FAM184B: variants seen among roughly 807,000 people sequenced by gnomAD.
FAM184B encodes the protein family with sequence similarity 184 member B, also known as protein FAM184B.
A neutral mutation model predicts 135.9 loss-of-function variants in FAM184B; 111 were observed. The ratio of observed to expected loss-of-function variants is 0.82; its 90% CI spans 0.70 to 0.96. FAM184B has a LOEUF of 0.96. Ranked by LOEUF, FAM184B falls within the 40% of genes least tolerant of loss-of-function variation. The pLI, the probability that FAM184B is intolerant of heterozygous loss-of-function variation, is 0.00. For missense variants in FAM184B, 1,375 were observed against 1,323.9 expected (o/e 1.04, Z -0.60); for synonymous variants, 552 against 524.8 (o/e 1.05, Z -0.71).
intron 7 of FAM184B, among the ~76,000 whole-genome samples, chr4:17,680,316 C>A (rs1034010946): frequency 2.0e-5 from 3 of 151,972 alleles, no homozygotes; most frequent in African/African-American, 7.3e-5. Flanking sequence ...TGTTTTTGAG[C>A]CTGTCTTGTA....
chr4:17,705,921 A>G (rs1420701405), intron 3 of FAM184B, 30 bp from the exon 4 acceptor site: 1 of 1,551,660 alleles, frequency 6.4e-7, no homozygotes, highest in Admixed American at 2.0e-5. Context: ...CATTATTTGG[A>G]ATGCTCTTGG....
chr4:17,655,144 T>C (rs1715752612), intron 10 of FAM184B, among the ~76,000 whole-genome samples: 1 of 152,200 alleles, frequency 6.6e-6, no homozygotes, highest in South Asian at 2.1e-4. Context: ...CCATGCCTGA[T>C]TGCGAGTTTA....
chr4:17,757,024 C>T (rs1263056603), intron 1 of FAM184B, among the ~76,000 whole-genome samples: 1 of 152,138 alleles, frequency 6.6e-6, no homozygotes, highest in East Asian at 1.9e-4. Flanking sequence ...GATAACATCA[C>T]AAAAAGAGAA....
chr4:17,651,898 T>G (rs1463950725), intron 11 of FAM184B, among the ~76,000 whole-genome samples: 2 of 151,912 alleles, frequency 1.3e-5, no homozygotes, highest in Non-Finnish European at 2.9e-5. Context: ...GGGGGAGAGT[T>G]TTGTGCTGGG....
intron 3 of FAM184B, among the ~76,000 whole-genome samples, chr4:17,706,724 T>G (rs1717127474): frequency 6.6e-6 from 1 of 152,160 alleles, no homozygotes. Context: ...ATCCCAGCAC[T>G]TTGGGAGGCC....
intron 12 of FAM184B, among the ~76,000 whole-genome samples, chr4:17,644,893 A>G (rs1490975811): frequency 1.3e-5 from 2 of 152,224 alleles, no homozygotes; most frequent in African/African-American, 4.8e-5. Context: ...AAGTCTCAGG[A>G]TACAAAATCA....
chr4:17,632,043 ATTTTTTTTTTTT>A lies in FAM184B; in HGVS notation c.*477_*488del, dbSNP rs199549580. 3.4e-3 allele frequency: 403 copies of A among 117,232 alleles called. No individual in the cohort carries two copies. The highest frequency in any genetic ancestry group is 0.013 in the African/African-American group (373 of 29,004). The allele number at this position is 117,232 out of a possible 1,614,324, so 7.3% of individuals were successfully genotyped here. On this transcript the variant is annotated 3_prime_UTR_variant, in exon 18 of 18. Transcript: ENST00000265018. Reference sequence around the variant, plus strand: ...TTTTAATAACACTGGTTTAATGTCAATTTTTTTTTTTTTTTTTTTTTTTTTTTTTTTTTTTTT... The same window carrying A: ...TTTTAATAACACTGGTTTAATGTCAATTTTTTTTTTTTTTTTTTTTTTTTT...
chr4:17,750,113 A>G (rs1281289806), intron 1 of FAM184B, among the ~76,000 whole-genome samples: 1 of 152,218 alleles, frequency 6.6e-6, no homozygotes, highest in Admixed American at 6.5e-5. Flanking sequence ...GATTCTCAGA[A>G]GTGAAATTTG....
At chr4:17,722,928 C>T (rs1328507956) in intron 1 of FAM184B, among the ~76,000 whole-genome samples, 8 of 152,102 alleles carry the variant, frequency 5.3e-5, no homozygotes, top group East Asian at 1.9e-4. Flanking sequence ...TTAATCCAAG[C>T]GGGAGCATCA....
At chr4:17,663,738 A>G (rs1715974502) in intron 8 of FAM184B, among the ~76,000 whole-genome samples, 1 of 150,828 alleles carries the variant, frequency 6.6e-6, no homozygotes, top group Non-Finnish European at 1.5e-5. Context: ...TTTTGCCCCC[A>G]CCCAAATCTC....
At chr4:17,678,357 A>T (rs1716362076) in intron 7 of FAM184B, among the ~76,000 whole-genome samples, 1 of 152,234 alleles carries the variant, frequency 6.6e-6, no homozygotes, top group South Asian at 2.1e-4. Flanking sequence ...ACAAATCAGT[A>T]GCTCTTCTAT....
At chr4:17,704,928 AC>A in intron 5 of FAM184B, 71 bp downstream of exon 5, 35 of 1,346,496 alleles carry the variant, frequency 2.6e-5, no homozygotes, top group Non-Finnish European at 3.5e-5. Flanking sequence ...AAAAGAAGGA[AC>A]AAAAAAGGAA....
intron 1 of FAM184B, among the ~76,000 whole-genome samples, chr4:17,719,659 T>C (rs1435199599): frequency 6.6e-6 from 1 of 152,226 alleles, no homozygotes; most frequent in Non-Finnish European, 1.5e-5. Flanking sequence ...TGTGCTGTAA[T>C]TTTTATCATG....
At chr4:17,766,690 G>C (rs1252660931) in intron 1 of FAM184B, among the ~76,000 whole-genome samples, 1 of 152,228 alleles carries the variant, frequency 6.6e-6, no homozygotes, top group African/African-American at 2.4e-5. Context: ...CAATCCCTTC[G>C]CTAGACATAA....
chr4:17,692,109 G>C lies in FAM184B; in HGVS notation c.1488+1193C>G, dbSNP rs138118529. On this transcript the variant is annotated intron_variant, in intron 6 of 17. Transcript: ENST00000265018. ...CTCATACATGTACAGGCCACCTTAA[G>C]CTCTGCAGTGAGGAGTGGTCCATGT... Among the ~76,000 whole-genome samples the C allele has an allele frequency of 3.3e-3, 502 of 152,062 alleles. 3 individuals are homozygous for C. The highest frequency in any genetic ancestry group is 0.011 in the African/African-American group (449 of 41,468).
At chr4:17,698,816 C>A (rs1440653644) in intron 5 of FAM184B, among the ~76,000 whole-genome samples, 1 of 152,132 alleles carries the variant, frequency 6.6e-6, no homozygotes, top group East Asian at 1.9e-4. Flanking sequence ...AGTAATTTAA[C>A]TGCCTGTCAA....
At chr4:17,667,060 G>A (rs1305855346) in intron 7 of FAM184B, among the ~76,000 whole-genome samples, 2 of 151,996 alleles carry the variant, frequency 1.3e-5, no homozygotes, top group Non-Finnish European at 1.5e-5. Context: ...CGAGGCTCAA[G>A]TGATCCTCCC....
At chr4:17,636,476 G>T (rs1577239821) in intron 15 of FAM184B, 52 bp downstream of exon 15, 2 of 1,387,320 alleles carry the variant, frequency 1.4e-6, no homozygotes, top group Admixed American at 3.9e-5. Context: ...TCCCGGGGGA[G>T]CCCGCAGTGC....
intron 1 of FAM184B, among the ~76,000 whole-genome samples, chr4:17,742,169 T>TA (rs1491574518): frequency 2.2e-4 from 12 of 55,312 alleles, no homozygotes; most frequent in African/African-American, 1.3e-3. Context: ...TATATATATA[T>TA]TTTTTTTTTT....
Sources: gnomAD v4.1 joint callset for allele counts (sites outside exome capture counted in the v4.1 genomes callset) on GRCh38, gnomAD v4.1.1 for gene constraint, MANE v1.5 for transcripts, NCBI Gene and HGNC (gene_info 2026-07-23, HGNC 2026-07-21) for gene names.